The following ITPR1 variants were observed in gnomAD, a reference collection of about 807,000 sequenced individuals.
The protein encoded by ITPR1 is inositol 1,4,5-trisphosphate-gated calcium channel ITPR1.
Under a neutral mutation model 318.4 loss-of-function variants are expected in ITPR1, and 96 were observed. That is an observed-to-expected ratio of 0.30 (90% confidence interval 0.26 to 0.36). The LOEUF is 0.36. Among genes scored for constraint, ITPR1 ranks in the 10% least tolerant of loss-of-function variants. The pLI is 1.00. For missense variants in ITPR1, 2,440 were observed against 3,460.2 expected, an observed-to-expected ratio of 0.71 and a Z score of 7.40; for synonymous variants, 1,312 against 1,289.9, an observed-to-expected ratio of 1.02 and a Z score of -0.37.
chr3:4,556,589 C>G (rs1295292934), intron 4 of ITPR1, among the ~76,000 whole-genome samples: 1 of 150,866 alleles, frequency 6.6e-6, no homozygotes, highest in African/African-American at 2.4e-5. Context: ...TGATTGGCTT[C>G]TTTCACTCAG....
intron 40 of ITPR1, 132 bp downstream of exon 40, chr3:4,717,531 G>A: frequency 1.3e-6 from 1 of 771,652 alleles, no homozygotes; most frequent in Non-Finnish European, 2.3e-6. Flanking sequence ...GTGCCCTCTG[G>A]GAGTGAGTGG....
chr3:4,563,642 C>A (rs2086909999), intron 4 of ITPR1, among the ~76,000 whole-genome samples: 1 of 152,186 alleles, frequency 6.6e-6, no homozygotes, highest in African/African-American at 2.4e-5. Flanking sequence ...GTACGTGTTT[C>A]TGGTACCCTG....
chr3:4,494,609 A>G (rs2080406043), intron 2 of ITPR1, 103 bp downstream of exon 2: 1 of 152,246 alleles, frequency 6.6e-6, no homozygotes, highest in African/African-American at 2.4e-5. Flanking sequence ...TAAGAAAGAA[A>G]AAGAAACTCC....
chr3:4,549,524 T>C (rs1309965499), intron 4 of ITPR1, among the ~76,000 whole-genome samples: 2 of 143,858 alleles, frequency 1.4e-5, no homozygotes, highest in Non-Finnish European at 3.1e-5. Flanking sequence ...CTCCCTTCCT[T>C]CCTCCCTTCC....
chr3:4,545,810 G>T (rs2084935412), intron 4 of ITPR1, among the ~76,000 whole-genome samples: 1 of 147,868 alleles, frequency 6.8e-6, no homozygotes, highest in Non-Finnish European at 1.5e-5. Flanking sequence ...TGATTCTCCC[G>T]CCTCAGCCTC....
At chr3:4,770,682 G>C (rs926420804) in intron 46 of ITPR1, among the ~76,000 whole-genome samples, 1 of 152,140 alleles carries the variant, frequency 6.6e-6, no homozygotes, top group African/African-American at 2.4e-5. Flanking sequence ...GGTTTCCTTA[G>C]TTTTCTTGTC....
intron 8 of ITPR1, among the ~76,000 whole-genome samples, chr3:4,644,934 T>C (rs2093421462): frequency 6.6e-6 from 1 of 152,230 alleles, no homozygotes; most frequent in Non-Finnish European, 1.5e-5. Context: ...CACCTAAACC[T>C]AGTGCCTGGC....
chr3:4,565,784 C>A (rs2125025493), intron 4 of ITPR1, among the ~76,000 whole-genome samples: 1 of 152,294 alleles, frequency 6.6e-6, no homozygotes, highest in Non-Finnish European at 1.5e-5. Flanking sequence ...ATTTCAACTT[C>A]TAGGGAATTA....
At chr3:4,804,689 G>T (rs1460156019) in intron 54 of ITPR1, among the ~76,000 whole-genome samples, 2 of 152,154 alleles carry the variant, frequency 1.3e-5, no homozygotes, top group South Asian at 2.1e-4. Context: ...CATCATCATG[G>T]ATCATCCAGA....
intron 4 of ITPR1, among the ~76,000 whole-genome samples, chr3:4,582,417 G>C (rs2089448631): frequency 6.6e-6 from 1 of 152,252 alleles, no homozygotes; most frequent in East Asian, 1.9e-4. Flanking sequence ...TGCTGTGAAG[G>C]GACGGATGGT....
intron 3 of ITPR1, among the ~76,000 whole-genome samples, chr3:4,518,077 A>G (rs1575386891): frequency 2.0e-5 from 3 of 152,206 alleles, no homozygotes; most frequent in Admixed American, 1.3e-4. Flanking sequence ...AGAAAATTCC[A>G]GACTCCAAGG....
intron 3 of ITPR1, among the ~76,000 whole-genome samples, chr3:4,518,212 A>G (rs941930169): frequency 2.0e-5 from 3 of 151,814 alleles, no homozygotes; most frequent in Admixed American, 6.6e-5. Flanking sequence ...TTAAACCTCA[A>G]CCCACTCTAT....
At chr3:4,544,611 AG>A (rs1413671511) in intron 4 of ITPR1, among the ~76,000 whole-genome samples, 1 of 152,228 alleles carries the variant, frequency 6.6e-6, no homozygotes, top group Admixed American at 6.5e-5. Flanking sequence ...TAAAGAAAAA[AG>A]CATTTTATAC....
At position 4,688,531 on chromosome 3, in the gene ITPR1, G is replaced by T. The variant is rs749793481; in HGVS notation, c.3739G>T (p.Ala1247Ser). The change falls in exon 31 of 62, where the codon GCT becomes TCT. Residue 1247 changes from alanine to serine, a missense_variant. Transcript: ENST00000649015. The part of the protein sequence containing the change: ...DTKMQEIMRL[A>S]HEFLQNFCAG... ...CAAGATGCAAGAGATAATGAGGTTGGCTCATGAATTTTTGCAGAATTTCTG... is the reference window on the plus strand; with the variant it reads ...CAAGATGCAAGAGATAATGAGGTTGTCTCATGAATTTTTGCAGAATTTCTG... The T allele has an allele frequency of 7.4e-6, 12 of 1,613,960 alleles. No individual in the cohort carries two copies. In the South Asian group the frequency reaches 1.1e-4, roughly 15 times the overall value.
chr3:4,630,393 A>G (rs1299331027), intron 5 of ITPR1, among the ~76,000 whole-genome samples: 4 of 152,262 alleles, frequency 2.6e-5, no homozygotes, highest in Admixed American at 2.6e-4. Context: ...CCAAAAGTCT[A>G]AATCCCTAAA....
intron 6 of ITPR1, among the ~76,000 whole-genome samples, chr3:4,640,700 C>G (rs1416828054): frequency 6.6e-6 from 1 of 152,220 alleles, no homozygotes; most frequent in Middle Eastern, 3.2e-3. Flanking sequence ...TCACTTTGCT[C>G]ACCAGCAAAA....
At position 4,684,273 on chromosome 3, in the gene ITPR1, G is replaced by C. The variant is rs750006989; in HGVS notation, c.3499-8G>C. The C allele has an allele frequency of 1.7e-5, 28 of 1,603,928 alleles. No homozygotes were observed. Among genetic ancestry groups the C allele is most frequent in the Non-Finnish European group, 2.2e-5 (26 of 1,172,974 alleles). Reference sequence around the variant, plus strand: ...ACAGATCACACTTGTGTTCACTTTGGTTTCTAGGAGGGAAATAACAAGCCA... The same window carrying C: ...ACAGATCACACTTGTGTTCACTTTGCTTTCTAGGAGGGAAATAACAAGCCA... On this transcript the variant is annotated splice_polypyrimidine_tract_variant and splice_region_variant and intron_variant, in intron 28 of 61. Transcript: ENST00000649015.
intron 4 of ITPR1, among the ~76,000 whole-genome samples, chr3:4,572,619 T>A (rs1357510335): frequency 1.3e-5 from 2 of 152,222 alleles, no homozygotes; most frequent in Admixed American, 1.3e-4. Context: ...ATTTACCATT[T>A]TAACCATTTT....
At chr3:4,644,798 C>G (rs931894582) in intron 8 of ITPR1, among the ~76,000 whole-genome samples, 1 of 152,150 alleles carries the variant, frequency 6.6e-6, no homozygotes, top group African/African-American at 2.4e-5. Context: ...CCTTTCCAAG[C>G]TCTGTGACGG....
Sources: allele counts gnomAD v4.1 joint callset (sites outside exome capture counted in the v4.1 genomes callset), GRCh38; gene constraint gnomAD v4.1.1; transcripts MANE v1.5; gene names NCBI Gene and HGNC (gene_info 2026-07-23, HGNC 2026-07-21).